Variants in NUDT9 observed in about 807,000 individuals in gnomAD.
The protein encoded by NUDT9 is nudix hydrolase 9.
In NUDT9, 31 loss-of-function variants were observed where a neutral mutation model predicts 41.0. The ratio of observed to expected loss-of-function variants is 0.76; its 90% CI spans 0.57 to 1.02. The LOEUF is 1.02. Among genes scored for constraint, NUDT9 ranks in the 50% least tolerant of loss-of-function variants. NUDT9 has a pLI of 0.00. For missense variants in NUDT9, 380 were observed against 431.4 expected (o/e 0.88, Z 1.06); for synonymous variants, 146 against 147.6 (o/e 0.99, Z 0.08).
intron 2 of NUDT9, 39 bp from the exon 3 acceptor site, chr4:87,438,238 A>G (rs550442470): frequency 1.8e-6 from 2 of 1,094,870 alleles, no homozygotes; most frequent in Admixed American, 1.7e-5. Context: ...GTAGTTTTGA[A>G]TCATTATTTC....
At chr4:87,443,175 A>G (rs1026417629) in intron 4 of NUDT9, among the ~76,000 whole-genome samples, 53 of 152,224 alleles carry the variant, frequency 3.5e-4, no homozygotes, top group African/African-American at 1.1e-3. Context: ...TTTCAGCTCC[A>G]TTGTAATCTT....
Position 87,459,072 on chromosome 4 carries a change from A to G in NUDT9, c.*1051A>G, listed in dbSNP as rs1383248511. ...TTCATCAGTGATAGACTGGATAAAG[A>G]CAATGTGGTATATGTACACCATGGA... On this transcript the variant is annotated 3_prime_UTR_variant, in exon 8 of 8. Coordinates refer to ENST00000302174, the MANE Select transcript of NUDT9 (RefSeq NM_024047.5). 1.3e-5 allele frequency: 2 copies of G among 152,246 alleles called. No homozygotes were observed. The highest frequency in any genetic ancestry group is 1.3e-4 in the Admixed American group (2 of 15,284). 9.4% of individuals were successfully genotyped at this position (152,246 alleles called of 1,614,324 possible).
intron 2 of NUDT9, among the ~76,000 whole-genome samples, chr4:87,437,249 CAAA>C (rs776722819): frequency 1.3e-4 from 7 of 55,620 alleles, no homozygotes; most frequent in Non-Finnish European, 2.0e-4. Context: ...GACTCCATCT[CAAA>C]AAAAAAAAAA....
chr4:87,440,346 G>A (rs1722148938), intron 3 of NUDT9, among the ~76,000 whole-genome samples: 2 of 152,070 alleles, frequency 1.3e-5, no homozygotes, highest in Admixed American at 1.3e-4. Context: ...CTCTCTCTCT[G>A]CTTCATTTAT....
intron 4 of NUDT9, among the ~76,000 whole-genome samples, chr4:87,442,315 T>C (rs1722239554): frequency 6.6e-6 from 1 of 152,134 alleles, no homozygotes; most frequent in African/African-American, 2.4e-5. Context: ...GGAAAGTAGG[T>C]AAAAACACGA....
chr4:87,457,911 A>G lies in NUDT9; in HGVS notation c.943A>G (p.Asn315Asp), dbSNP rs56760389. The G allele has an allele frequency of 4.0e-3, 6,490 of 1,609,378 alleles. 257 individuals are homozygous for G. In the African/African-American group the frequency reaches 0.076, roughly 19 times the overall value. ...DAGKVKWVDI[N>D]DKLKLYASHS... Reference sequence around the variant, plus strand: ...TGGAAAAGTGAAATGGGTGGACATCAATGATAAACTGAAGCTTTATGCCAG... The same window carrying G: ...TGGAAAAGTGAAATGGGTGGACATCGATGATAAACTGAAGCTTTATGCCAG... Residue 315 changes from asparagine to aspartate, a missense_variant, in exon 8 of 8, where the codon AAT (asparagine) becomes GAT (aspartate). Transcript: ENST00000302174.
intron 1 of NUDT9, among the ~76,000 whole-genome samples, chr4:87,425,638 G>C (rs1721380078): frequency 6.8e-6 from 1 of 146,018 alleles, no homozygotes; most frequent in African/African-American, 2.5e-5. Flanking sequence ...CAGGCAATCT[G>C]TCTGCCTTGG....
chr4:87,448,837 A>T (rs1722585678), intron 4 of NUDT9, among the ~76,000 whole-genome samples: 1 of 152,166 alleles, frequency 6.6e-6, no homozygotes, highest in African/African-American at 2.4e-5. Context: ...TTTTCTTTAA[A>T]TTCTATTCTG....
chr4:87,448,344 A>G (rs181036437), intron 4 of NUDT9, among the ~76,000 whole-genome samples: 2 of 152,038 alleles, frequency 1.3e-5, no homozygotes, highest in Non-Finnish European at 2.9e-5. Context: ...GGGCTTCACC[A>G]TGTTGGCCAG....
chr4:87,437,379 C>A lies in NUDT9; in HGVS notation c.348-898C>A, dbSNP rs200538545. ...TTTTCGAGATGGAGTCTCGCTCTGT[C>A]GCCCAGGCTGGAGTGCAGTGGCGCC... On this transcript the variant is annotated intron_variant, in intron 2 of 7. Transcript: ENST00000302174. Among the ~76,000 whole-genome samples the A allele has an allele frequency of 3.6e-4, 54 of 151,342 alleles. No homozygotes were observed. The East Asian group carries it at 8.9e-3, about 25-fold the overall frequency.
intron 7 of NUDT9, among the ~76,000 whole-genome samples, chr4:87,456,556 A>C (rs1356963089): frequency 1.3e-5 from 2 of 152,124 alleles, no homozygotes; most frequent in African/African-American, 4.8e-5. Flanking sequence ...AGCTCACTAA[A>C]ATGTAGGCCC....
At chr4:87,456,506 T>A (rs779132917) in intron 7 of NUDT9, among the ~76,000 whole-genome samples, 5 of 152,112 alleles carry the variant, frequency 3.3e-5, no homozygotes, top group Non-Finnish European at 7.4e-5. Flanking sequence ...GGAGAGAGGA[T>A]TTTTCTCCAG....
chr4:87,432,421 G>A (rs1721727887), intron 1 of NUDT9, among the ~76,000 whole-genome samples: 1 of 152,108 alleles, frequency 6.6e-6, no homozygotes. Flanking sequence ...TGGATTTTTG[G>A]ATTAGGGATG....
intron 5 of NUDT9, among the ~76,000 whole-genome samples, chr4:87,450,340 A>T (rs1274617334): frequency 6.8e-6 from 1 of 147,052 alleles, no homozygotes; most frequent in East Asian, 2.0e-4. Flanking sequence ...ATCTCAGCCG[A>T]CTCTGATAAA....
intron 4 of NUDT9, among the ~76,000 whole-genome samples, chr4:87,442,845 A>G (rs1560794516): frequency 6.6e-6 from 1 of 152,226 alleles, no homozygotes. Context: ...AGTAATATGC[A>G]TGGAGCTGTC....
chr4:87,449,884 A>G (rs991850411), intron 5 of NUDT9, among the ~76,000 whole-genome samples: 7 of 152,008 alleles, frequency 4.6e-5, no homozygotes, highest in African/African-American at 1.7e-4. Context: ...TTATTTTGAG[A>G]CAGAGTCTCA....
rs536233842 is a variant in NUDT9, at chr4:87,458,891, G to A, written c.*870G>A. On this transcript the variant is annotated 3_prime_UTR_variant, in exon 8 of 8. Coordinates refer to ENST00000302174, the MANE Select transcript of NUDT9 (RefSeq NM_024047.5). ...TCCAACCATTGTGGAAGAGAGTGTA[G>A]AGAGTCCTCAAATATTTAAAGATAT... 3 of 152,278 alleles carry A rather than the reference G, an allele frequency of 2.0e-5. No homozygotes were observed. Among genetic ancestry groups the A allele is most frequent in the East Asian group, 3.9e-4 (2 of 5,184 alleles). The allele number at this position is 152,278 out of a possible 1,614,324, so 9.4% of individuals were successfully genotyped here. A position where few individuals can be genotyped will look rare whatever the true frequency, so the allele number is the denominator to read the frequency against.
intron 1 of NUDT9, among the ~76,000 whole-genome samples, chr4:87,431,222 T>G (rs940057367): frequency 6.6e-6 from 1 of 152,226 alleles, no homozygotes; most frequent in African/African-American, 2.4e-5. Flanking sequence ...TGAAATGGTC[T>G]TGGTACCTTT....
In NUDT9 at chr4:87,451,581, A is replaced by T. The variant is rs959750168; in HGVS notation, c.643-8A>T. ...CCCTTTTTTCAAAATTTTTAATGTG[A>T]CTCTTAGGGGATGGTGGATCCAGGA... is the stretch of plus-strand genomic sequence containing the variant. On this transcript the variant is annotated splice_polypyrimidine_tract_variant and splice_region_variant and intron_variant, in intron 5 of 7. Coordinates refer to ENST00000302174, the MANE Select transcript of NUDT9 (RefSeq NM_024047.5). 6.2e-7 allele frequency: 1 copy of T among 1,600,954 alleles called. No homozygotes were observed.
Sources: gnomAD v4.1 joint callset for allele counts (sites outside exome capture counted in the v4.1 genomes callset) on GRCh38, gnomAD v4.1.1 for gene constraint, MANE v1.5 for transcripts, NCBI Gene and HGNC (gene_info 2026-07-23, HGNC 2026-07-21) for gene names.